SLC38A8: variants seen among roughly 807,000 people sequenced by gnomAD.
SLC38A8 encodes the protein solute carrier family 38 member 8, also known as amino acid transporter SLC38A8.
Under a neutral mutation model 46.0 loss-of-function variants are expected in SLC38A8, and 65 were observed. The ratio of observed to expected loss-of-function variants is 1.41; its 90% CI spans 1.16 to 1.74. SLC38A8 has a LOEUF of 1.74. Among genes scored for constraint, SLC38A8 ranks in the 40% most tolerant of loss-of-function variants. The pLI is 0.00. For synonymous variants in SLC38A8, 447 were observed against 243.7 expected (o/e 1.83, Z -7.77); for missense variants, 998 against 567.9 (o/e 1.76, Z -7.70).
In SLC38A8 at chr16:84,022,900, G is replaced by C. The variant is rs767994598; in HGVS notation, c.691-11C>G. The stretch of plus-strand genomic sequence containing the variant: ...GGCAGCTTCGTGACACTGTAAGACA[G>C]AGGGCGGCTCAGCAGGATGCTGGCT... On this transcript the variant is annotated splice_polypyrimidine_tract_variant and intron_variant, in intron 6 of 10. Coordinates refer to ENST00000299709, the MANE Select transcript of SLC38A8 (RefSeq NM_001080442.3). The C allele has an allele frequency of 1.3e-6, 2 of 1,574,366 alleles. No individual in the cohort carries two copies. Among genetic ancestry groups the C allele is most frequent in the Admixed American group, 1.9e-5 (1 of 52,456 alleles).
intron 8 of SLC38A8, 149 bp downstream of exon 8, chr16:84,016,991 A>C (rs1264171135): frequency 8.3e-7 from 1 of 1,198,960 alleles, no homozygotes; most frequent in African/African-American, 1.5e-5. Context: ...TGGGCAATCT[A>C]CCTAAATCCT....
intron 2 of SLC38A8, among the ~76,000 whole-genome samples, chr16:84,040,322 G>A (rs754410229): frequency 6.6e-6 from 1 of 152,184 alleles, no homozygotes; most frequent in Non-Finnish European, 1.5e-5. Context: ...ATTCACCTCA[G>A]GGTTCCCTTC....
rs570034694 is a variant in SLC38A8 at position 84,016,721 on chromosome 16, C to G, written c.960G>C (p.Val320=). Residue 320 remains valine (V), a synonymous_variant, in exon 9 of 11, where the codon GTG becomes GTC. Transcript: ENST00000299709. ...YPIVLFLGRS[V]MQDFWRRSCL... is the part of the protein sequence containing the mutation. ...AGCTCCTCCTCCAGAAGTCCTGCATCACTGACCTGGAGGCCACAGCCAACA... is the reference window on the plus strand; with the variant it reads ...AGCTCCTCCTCCAGAAGTCCTGCATGACTGACCTGGAGGCCACAGCCAACA... 1.7e-5 allele frequency: 27 copies of G among 1,612,006 alleles called. No homozygotes were observed. In the Admixed American group the frequency reaches 4.5e-4, roughly 27 times the overall value.
Position 84,016,679 on chromosome 16 carries a change from C to T in SLC38A8, c.1002G>A (p.Gly334=). 1 of 1,613,310 alleles carries T rather than the reference C, an allele frequency of 6.2e-7. No individual in the cohort carries two copies. The highest frequency in any genetic ancestry group is 8.5e-7 in the Non-Finnish European group (1 of 1,179,970). ...CTGAGGGGTCGGCCAGGGCGCTGGG[C>T]CCCCATCCCCCCAAGCAGCTCCTCC... ...FWRRSCLGGW[G]PSALADPSGL... is the part of the protein sequence containing the mutation. The change falls in exon 9 of 11, where the codon GGG becomes GGA. Residue 334 remains glycine (G), a synonymous_variant. Transcript: ENST00000299709.
intron 9 of SLC38A8, 42 bp downstream of exon 9, chr16:84,016,477 G>C (rs1468248492): frequency 6.2e-7 from 1 of 1,601,586 alleles, no homozygotes; most frequent in Non-Finnish European, 8.5e-7. Flanking sequence ...GATGAGCAGG[G>C]AAGAACAAGT....
rs549283243 is a variant in SLC38A8 at position 84,027,828 on chromosome 16, C to G, written c.690+1666G>C. On this transcript the variant is annotated intron_variant, in intron 6 of 10. Coordinates refer to ENST00000299709, the MANE Select transcript of SLC38A8 (RefSeq NM_001080442.3). Reference sequence around the variant, plus strand: ...CCCCTTGCAAGCATCGGGGAGGCGGCCCCGGCGTAGGTCTGCTGCACCATA... The same window carrying G: ...CCCCTTGCAAGCATCGGGGAGGCGGGCCCGGCGTAGGTCTGCTGCACCATA... 1.0e-3 allele frequency among the ~76,000 whole-genome samples: 154 copies of G among 152,318 alleles called. 1 individual carries two copies. The highest frequency in any genetic ancestry group is 3.6e-3 in the African/African-American group (149 of 41,578).
chr16:84,019,478 C>A (rs113737549), intron 7 of SLC38A8, among the ~76,000 whole-genome samples: 1 of 152,164 alleles, frequency 6.6e-6, no homozygotes, highest in Non-Finnish European at 1.5e-5. Context: ...TTTATGAGAG[C>A]GCTGCTCTCG....
chr16:84,014,288 C>A (rs963986533), intron 9 of SLC38A8, among the ~76,000 whole-genome samples: 1 of 148,164 alleles, frequency 6.7e-6, no homozygotes, highest in African/African-American at 2.5e-5. Flanking sequence ...CCTCTGAAAG[C>A]CTCGCCCACA....
chr16:84,030,704 C>A (rs1262771395), intron 5 of SLC38A8, among the ~76,000 whole-genome samples: 1 of 152,170 alleles, frequency 6.6e-6, no homozygotes, highest in East Asian at 1.9e-4. Flanking sequence ...ACCTTCCAAC[C>A]CACCAGCAGC....
chr16:84,031,985 G>A lies in SLC38A8; in HGVS notation c.531-17C>T. 6.2e-7 allele frequency: 1 copy of A among 1,609,178 alleles called. No homozygotes were observed. The highest frequency in any genetic ancestry group is 1.7e-4 in the Middle Eastern group (1 of 6,048). ...CCTAGGATGCTAACACAGTGACCGT[G>A]TGAGGGGCTGCGCAGTGGGTGACAT... is the stretch of plus-strand genomic sequence containing the variant. On this transcript the variant is annotated splice_polypyrimidine_tract_variant and intron_variant, in intron 4 of 10. Transcript: ENST00000299709.
intron 6 of SLC38A8, among the ~76,000 whole-genome samples, chr16:84,023,209 C>T (rs2085116209): frequency 6.6e-6 from 1 of 152,110 alleles, no homozygotes; most frequent in African/African-American, 2.4e-5. Flanking sequence ...TCCCCTCTCT[C>T]CCTTACCTGC....
intron 10 of SLC38A8, among the ~76,000 whole-genome samples, chr16:84,011,985 G>C (rs544905103): frequency 6.6e-6 from 1 of 152,188 alleles, no homozygotes; most frequent in Non-Finnish European, 1.5e-5. Context: ...TGTAGCCACA[G>C]GCCAAGGAGC....
chr16:84,040,342 C>T (rs2085353831), intron 2 of SLC38A8, among the ~76,000 whole-genome samples: 2 of 152,236 alleles, frequency 1.3e-5, no homozygotes, highest in South Asian at 4.1e-4. Flanking sequence ...CTCCTCAAGT[C>T]TGCTGAGTGA....
chr16:84,014,765 C>T (rs1035054851), intron 9 of SLC38A8, among the ~76,000 whole-genome samples: 8 of 152,234 alleles, frequency 5.3e-5, no homozygotes, highest in African/African-American at 1.7e-4. Flanking sequence ...ACATCAAAGA[C>T]AACCCCTGAA....
intron 2 of SLC38A8, 39 bp from the exon 3 acceptor site, chr16:84,036,939 C>A: frequency 6.4e-7 from 1 of 1,555,384 alleles, no homozygotes; most frequent in Admixed American, 1.9e-5. Context: ...GGGGTGTGCC[C>A]ACAGCCCACC....
At chr16:84,022,217 A>C (rs1439027063) in intron 7 of SLC38A8, among the ~76,000 whole-genome samples, 4 of 152,222 alleles carry the variant, frequency 2.6e-5, no homozygotes, top group African/African-American at 7.2e-5. Flanking sequence ...TTGGTGAATG[A>C]AAAAAGACTG....
At position 84,013,166 on chromosome 16, in the gene SLC38A8, G is replaced by A. The variant is rs1350491393; in HGVS notation, c.1163-114C>T. ...AGGCCAGCAAGGCCTCCGCCCATGG[G>A]TGCCCCTGGCTCAGGCCCCCTGGAG... On this transcript the variant is annotated intron_variant, in intron 9 of 10. Transcript: ENST00000299709. The A allele has an allele frequency of 1.1e-5, 14 of 1,219,548 alleles. No homozygotes were observed. In the Admixed American group the frequency reaches 1.3e-4, roughly 12 times the overall value. The allele number at this position is 1,219,548 out of a possible 1,614,324, so 75.5% of individuals were successfully genotyped here.
At chr16:84,027,818 G>A (rs941148841) in intron 6 of SLC38A8, among the ~76,000 whole-genome samples, 20 of 152,308 alleles carry the variant, frequency 1.3e-4, no homozygotes, top group African/African-American at 4.8e-4. Context: ...TGCAAGCATC[G>A]GGGAGGCGGC....
Position 84,029,476 on chromosome 16 carries a change from C to G in SLC38A8, c.690+18G>C. On this transcript the variant is annotated intron_variant, in intron 6 of 10. Coordinates refer to ENST00000299709, the MANE Select transcript of SLC38A8 (RefSeq NM_001080442.3). ...CCTCTGCAAACGCCACAGGCTGCAA[C>G]ACAGATGCTAAAATTACCTGAAACC... 1 of 1,613,842 alleles carries G rather than the reference C, an allele frequency of 6.2e-7. No individual in the cohort carries two copies. Among genetic ancestry groups the G allele is most frequent in the South Asian group, 1.1e-5 (1 of 91,026 alleles).
Sources: gnomAD v4.1 joint callset for allele counts (sites outside exome capture counted in the v4.1 genomes callset) on GRCh38, gnomAD v4.1.1 for gene constraint, MANE v1.5 for transcripts, NCBI Gene and HGNC (gene_info 2026-07-23, HGNC 2026-07-21) for gene names.